The following CAST variants were observed in gnomAD, a reference collection of about 807,000 sequenced individuals.
The protein encoded by CAST is MIR583 host.
Under a neutral mutation model 119.6 loss-of-function variants are expected in CAST, and 76 were observed. The ratio of observed to expected loss-of-function variants is 0.64; its 90% CI spans 0.53 to 0.77. The LOEUF is 0.77. Among genes scored for constraint, CAST ranks in the 30% least tolerant of loss-of-function variants. The probability of loss-of-function intolerance (pLI) is 0.00; values close to 1 mark genes in which losing one functional copy is unlikely to be tolerated. For missense variants in CAST, 953 were observed against 946.5 expected, an observed-to-expected ratio of 1.01 and a Z score of -0.09; for synonymous variants, 319 against 331.6, an observed-to-expected ratio of 0.96 and a Z score of 0.41.
the CAST span, among the ~76,000 whole-genome samples, chr5:96,467,719 T>TAA: frequency 2.0e-4 from 30 of 150,744 alleles, no homozygotes; most frequent in South Asian, 1.1e-3. Context: ...TATTAAAAAG[T>TAA]AAAAAAAAAC....
the CAST span, among the ~76,000 whole-genome samples, chr5:96,413,362 C>T: frequency 5.9e-4 from 90 of 152,290 alleles, no homozygotes; most frequent in African/African-American, 2.1e-3. Flanking sequence ...AGGCAGCTAC[C>T]TGGTTATTTC....
the CAST span, chr5:96,393,215 T>G: frequency 6.2e-7 from 1 of 1,614,140 alleles, no homozygotes; most frequent in Non-Finnish European, 8.5e-7. Flanking sequence ...CTTTGGTGAT[T>G]GCTTTGGCGG....
chr5:96,565,810 A>G (rs1561418438), intron 1 of CAST, among the ~76,000 whole-genome samples: 2 of 152,172 alleles, frequency 1.3e-5, no homozygotes. Flanking sequence ...CTACAGGGTA[A>G]TTGGTGCTCA....
chr5:96,299,267 C>T, the CAST span, among the ~76,000 whole-genome samples: 75 of 148,954 alleles, frequency 5.0e-4, no homozygotes, highest in African/African-American at 1.9e-3. Flanking sequence ...ACAACAACAA[C>T]AACAACAACA....
At chr5:96,425,845 G>C in the CAST span, 1 of 1,603,014 alleles carries the variant, frequency 6.2e-7, no homozygotes, top group Non-Finnish European at 8.5e-7. Context: ...ATTCCACATG[G>C]GATCATTGAA....
intron 1 of CAST, among the ~76,000 whole-genome samples, chr5:96,600,561 C>A (rs969056798): frequency 1.3e-5 from 2 of 152,272 alleles, no homozygotes; most frequent in Middle Eastern, 3.4e-3. Flanking sequence ...TGGTGCTAAC[C>A]TAGTGAAAAG....
chr5:96,438,676 A>G, the CAST span, among the ~76,000 whole-genome samples: 10,360 of 152,222 alleles, frequency 0.068, 406 homozygotes, highest in African/African-American at 0.1. Context: ...CATGGTGTCC[A>G]TATGTCTAAT....
chr5:96,733,642 A>G (rs1473795405), intron 9 of CAST, among the ~76,000 whole-genome samples: 2 of 152,156 alleles, frequency 1.3e-5, no homozygotes, highest in Admixed American at 6.6e-5. Flanking sequence ...TTAAAGTACC[A>G]TAAGGCAGGC....
At chr5:96,371,109 A>G in the CAST span, among the ~76,000 whole-genome samples, 1 of 152,236 alleles carries the variant, frequency 6.6e-6, no homozygotes, top group South Asian at 2.1e-4. Context: ...GACCTGGACC[A>G]GCATTTGTTA....
chr5:96,076,102 A>G, the CAST span, among the ~76,000 whole-genome samples: 5 of 152,146 alleles, frequency 3.3e-5, no homozygotes, highest in South Asian at 1.0e-3. Context: ...GCCCTAGGTC[A>G]AGATGGTCTG....
At chr5:96,234,341 G>C in the CAST span, among the ~76,000 whole-genome samples, 6 of 152,204 alleles carry the variant, frequency 3.9e-5, no homozygotes, top group Admixed American at 3.9e-4. Flanking sequence ...AGATGCTTTA[G>C]ATTTTACTCT....
chr5:96,667,067 G>A (rs939251695), intron 1 of CAST, among the ~76,000 whole-genome samples: 4 of 152,174 alleles, frequency 2.6e-5, no homozygotes, highest in Non-Finnish European at 5.9e-5. Flanking sequence ...GCAGGGGGAA[G>A]TATATCAGAT....
the CAST span, among the ~76,000 whole-genome samples, chr5:96,177,313 T>C: frequency 6.6e-6 from 1 of 152,210 alleles, no homozygotes; most frequent in African/African-American, 2.4e-5. Flanking sequence ...GTGAACTATG[T>C]GGCACTTTTG....
the CAST span, among the ~76,000 whole-genome samples, chr5:96,338,180 C>T: frequency 1.3e-5 from 2 of 152,268 alleles, no homozygotes; most frequent in South Asian, 2.1e-4. Context: ...TAGGTTGAAA[C>T]GTTCAACAAA....
the CAST span, among the ~76,000 whole-genome samples, chr5:95,986,618 G>A: frequency 1.3e-5 from 2 of 152,024 alleles, no homozygotes; most frequent in Non-Finnish European, 2.9e-5. Flanking sequence ...TCACTTTCAA[G>A]GCTTTTCAGC....
intron 1 of CAST, among the ~76,000 whole-genome samples, chr5:96,536,757 G>A (rs1309654359): frequency 6.6e-6 from 1 of 152,194 alleles, no homozygotes; most frequent in Non-Finnish European, 1.5e-5. Flanking sequence ...ATAATACCAT[G>A]AGAAATGCTC....
At chr5:96,769,308 A>G (rs1263682854) in intron 29 of CAST, 1 of 150,380 alleles carries the variant, frequency 6.6e-6, no homozygotes, top group Non-Finnish European at 1.5e-5. Context: ...AATGGACTTT[A>G]TTTTTATACG....
chr5:96,401,437 T>C, the CAST span, among the ~76,000 whole-genome samples: 1 of 152,236 alleles, frequency 6.6e-6, no homozygotes, highest in Non-Finnish European at 1.5e-5. Flanking sequence ...GAACCTGGCA[T>C]GCCAGAAAGG....
the CAST span, among the ~76,000 whole-genome samples, chr5:96,276,608 G>A: frequency 1.3e-5 from 2 of 152,162 alleles, no homozygotes; most frequent in African/African-American, 4.8e-5. Context: ...ACATATTCCT[G>A]TACTCTACTA....
Sources: gnomAD v4.1 joint callset for allele counts (sites outside exome capture counted in the v4.1 genomes callset) on GRCh38, gnomAD v4.1.1 for gene constraint, MANE v1.5 for transcripts, NCBI Gene and HGNC (gene_info 2026-07-23, HGNC 2026-07-21) for gene names.